The following NEK7 variants were observed in gnomAD, a reference collection of about 807,000 sequenced individuals.
The protein encoded by NEK7 is NIMA related kinase 7.
In NEK7, 18 loss-of-function variants were observed where a neutral mutation model predicts 44.6. The ratio of observed to expected loss-of-function variants is 0.40; its 90% CI spans 0.28 to 0.60. NEK7 has a LOEUF of 0.60. Ranked by LOEUF, NEK7 falls within the 20% of genes least tolerant of loss-of-function variation. The pLI is 0.38. For synonymous variants in NEK7, 130 were observed against 121.1 expected, an observed-to-expected ratio of 1.07 and a Z score of -0.48; for missense variants, 256 against 366.5, an observed-to-expected ratio of 0.70 and a Z score of 2.46.
At chr1:198,174,378 A>G (rs1664538897) in intron 1 of NEK7, among the ~76,000 whole-genome samples, 1 of 152,114 alleles carries the variant, frequency 6.6e-6, no homozygotes, top group Admixed American at 6.5e-5. Flanking sequence ...GGTAAAAAAA[A>G]AAATCTCAAA....
At chr1:198,179,260 A>G (rs1342676830) in intron 1 of NEK7, among the ~76,000 whole-genome samples, 2 of 152,102 alleles carry the variant, frequency 1.3e-5, no homozygotes, top group Non-Finnish European at 2.9e-5. Context: ...ACCTATCCTC[A>G]TGTAGTTTTC....
chr1:198,205,972 A>G (rs1356005044), intron 1 of NEK7, among the ~76,000 whole-genome samples: 3 of 152,110 alleles, frequency 2.0e-5, no homozygotes. Context: ...GAAGAAAGCA[A>G]AATTTTAAGG....
chr1:198,165,645 T>C lies in NEK7; in HGVS notation c.-29+8369T>C, dbSNP rs532508115. Reference sequence around the variant, plus strand: ...TGCCCAGGTTTTGTTTTTCCACTTATAGCACACAGGCAGAGTAGATTTAGC... The same window carrying C: ...TGCCCAGGTTTTGTTTTTCCACTTACAGCACACAGGCAGAGTAGATTTAGC... On this transcript the variant is annotated intron_variant, in intron 1 of 9. Transcript: ENST00000367385. Among the ~76,000 whole-genome samples, 22 of 152,312 alleles carry C rather than the reference T, an allele frequency of 1.4e-4. No homozygotes were observed. In the South Asian group the frequency reaches 1.9e-3, roughly 13 times the overall value.
chr1:198,285,715 A>G (rs144651574), intron 7 of NEK7, among the ~76,000 whole-genome samples: 13 of 152,092 alleles, frequency 8.5e-5, no homozygotes, highest in African/African-American at 3.1e-4. Flanking sequence ...TAATTCTCCT[A>G]TTTGTTCAGG....
At chr1:198,184,753 C>T (rs1373450932) in intron 1 of NEK7, among the ~76,000 whole-genome samples, 4 of 152,020 alleles carry the variant, frequency 2.6e-5, no homozygotes, top group South Asian at 4.1e-4. Flanking sequence ...ACTGCGGCTT[C>T]GAACTCCAGG....
intron 1 of NEK7, among the ~76,000 whole-genome samples, chr1:198,187,820 T>A (rs571297792): frequency 3.3e-4 from 51 of 152,328 alleles, no homozygotes; most frequent in Non-Finnish European, 6.0e-4. Context: ...CTCTGGTCCC[T>A]TTATCTTTAA....
intron 3 of NEK7, among the ~76,000 whole-genome samples, chr1:198,254,198 A>C (rs1268184670): frequency 6.6e-6 from 1 of 152,138 alleles, no homozygotes; most frequent in Non-Finnish European, 1.5e-5. Flanking sequence ...TATATGTGTT[A>C]GATGTAAACA....
At chr1:198,185,334 T>G (rs1280647839) in intron 1 of NEK7, among the ~76,000 whole-genome samples, 2 of 151,772 alleles carry the variant, frequency 1.3e-5, no homozygotes, top group Non-Finnish European at 2.9e-5. Flanking sequence ...TAAAGAAGTG[T>G]TTTCAATGAT....
intron 1 of NEK7, among the ~76,000 whole-genome samples, chr1:198,216,641 A>G (rs868394039): frequency 2.0e-5 from 3 of 151,830 alleles, no homozygotes; most frequent in African/African-American, 2.4e-5. Context: ...GATCAGTGAA[A>G]CAAAAACTGG....
intron 1 of NEK7, among the ~76,000 whole-genome samples, chr1:198,171,516 TA>T (rs1664439544): frequency 6.6e-6 from 1 of 151,858 alleles, no homozygotes; most frequent in African/African-American, 2.4e-5. Context: ...CCATCTCTAC[TA>T]AAAATACAAA....
intron 5 of NEK7, among the ~76,000 whole-genome samples, chr1:198,276,534 T>C (rs1654023579): frequency 6.6e-6 from 1 of 151,710 alleles, no homozygotes. Flanking sequence ...GTTGACACAG[T>C]CTGCAATTAA....
chr1:198,162,980 G>GT (rs1309898644), intron 1 of NEK7, among the ~76,000 whole-genome samples: 3 of 151,994 alleles, frequency 2.0e-5, no homozygotes, highest in African/African-American at 7.2e-5. Flanking sequence ...GCTTAAAATT[G>GT]TTTTTTTAAA....
chr1:198,186,672 T>G (rs911781837), intron 1 of NEK7, among the ~76,000 whole-genome samples: 1 of 152,162 alleles, frequency 6.6e-6, no homozygotes, highest in South Asian at 2.1e-4. Flanking sequence ...AATTTTCATA[T>G]GAGTATACCA....
chr1:198,315,079 C>G (rs1301796732), intron 9 of NEK7, among the ~76,000 whole-genome samples: 4 of 152,198 alleles, frequency 2.6e-5, no homozygotes, highest in Admixed American at 1.3e-4. Context: ...TGCTAGCAAT[C>G]AGGGAGACTC....
chr1:198,316,964 G>C (rs1655388542), intron 9 of NEK7, among the ~76,000 whole-genome samples: 1 of 152,250 alleles, frequency 6.6e-6, no homozygotes. Flanking sequence ...GTCTCTTGCA[G>C]AGTAGATCAT....
chr1:198,209,877 C>T (rs1308698325), intron 1 of NEK7, among the ~76,000 whole-genome samples: 4 of 151,952 alleles, frequency 2.6e-5, no homozygotes, highest in African/African-American at 7.3e-5. Context: ...AGTGCAGGGG[C>T]GTGATCTCGA....
chr1:198,281,520 AGT>A (rs1654197992), intron 7 of NEK7, among the ~76,000 whole-genome samples: 1 of 152,082 alleles, frequency 6.6e-6, no homozygotes, highest in Non-Finnish European at 1.5e-5. Context: ...GAAAAATCTG[AGT>A]AAGTTTACTT....
chr1:198,258,045 A>G (rs985639396), intron 3 of NEK7, among the ~76,000 whole-genome samples: 3 of 152,330 alleles, frequency 2.0e-5, no homozygotes, highest in Admixed American at 6.5e-5. Flanking sequence ...GGAGGAGAGC[A>G]TTTTAGATAG....
intron 3 of NEK7, 99 bp from the exon 4 acceptor site, chr1:198,262,476 G>A (rs1034223145): frequency 1.4e-6 from 1 of 724,834 alleles, no homozygotes; most frequent in Non-Finnish European, 2.3e-6. Flanking sequence ...AAATTCCTTA[G>A]TGTACAAATA....
Sources: allele counts gnomAD v4.1 joint callset (sites outside exome capture counted in the v4.1 genomes callset), GRCh38; gene constraint gnomAD v4.1.1; transcripts MANE v1.5; gene names NCBI Gene and HGNC (gene_info 2026-07-23, HGNC 2026-07-21).